Variants in ENTREP2 observed in about 807,000 individuals in gnomAD.
ENTREP2 encodes the protein endosomal transmembrane epsin interactor 2.
chr15:29,134,756 C>T, the ENTREP2 span, among the ~76,000 whole-genome samples: 1 of 152,174 alleles, frequency 6.6e-6, no homozygotes, highest in African/African-American at 2.4e-5. Context: ...TCCTCAGGGT[C>T]AGCGCTGCCT....
the ENTREP2 span, among the ~76,000 whole-genome samples, chr15:29,479,662 CACATACACACACACACAT>C: frequency 7.4e-6 from 1 of 134,504 alleles, no homozygotes; most frequent in Non-Finnish European, 1.5e-5. Context: ...GTCTCACACA[CACATACACACACACACAT>C]ACATACACAC....
chr15:29,460,414 T>C, the ENTREP2 span, among the ~76,000 whole-genome samples: 1 of 152,178 alleles, frequency 6.6e-6, no homozygotes, highest in East Asian at 1.9e-4. Flanking sequence ...GTGGATCACC[T>C]TGAGGTCAGG....
chr15:29,308,573 C>T, the ENTREP2 span, among the ~76,000 whole-genome samples: 1 of 152,180 alleles, frequency 6.6e-6, no homozygotes, highest in Non-Finnish European at 1.5e-5. Flanking sequence ...CATTTCCTCC[C>T]ACCCCTAGTT....
the ENTREP2 span, among the ~76,000 whole-genome samples, chr15:29,238,052 A>G: frequency 2.0e-5 from 3 of 152,244 alleles, no homozygotes; most frequent in South Asian, 2.1e-4. Flanking sequence ...ACATGCTGCA[A>G]TATGTATGAA....
At chr15:29,520,448 C>G in the ENTREP2 span, among the ~76,000 whole-genome samples, 1 of 152,288 alleles carries the variant, frequency 6.6e-6, no homozygotes, top group Non-Finnish European at 1.5e-5. Flanking sequence ...TTTCTACCTT[C>G]ATGCTTCCAA....
At chr15:29,269,882 G>C in the ENTREP2 span, 1 of 575,928 alleles carries the variant, frequency 1.7e-6, no homozygotes, top group African/African-American at 2.0e-5. Context: ...GCGCCTGCGC[G>C]GCTGCGGCGG....
At chr15:29,178,902 A>G in the ENTREP2 span, among the ~76,000 whole-genome samples, 1 of 152,242 alleles carries the variant, frequency 6.6e-6, no homozygotes, top group Non-Finnish European at 1.5e-5. Context: ...GTATCAGATC[A>G]TCTTGTATTT....
chr15:29,478,475 G>A, the ENTREP2 span, among the ~76,000 whole-genome samples: 4 of 152,042 alleles, frequency 2.6e-5, no homozygotes, highest in South Asian at 2.1e-4. Flanking sequence ...ATTTGTCCCC[G>A]CCCAGATTTC....
the ENTREP2 span, among the ~76,000 whole-genome samples, chr15:29,636,246 T>C: frequency 2.0e-5 from 3 of 152,330 alleles, no homozygotes; most frequent in Non-Finnish European, 2.9e-5. Flanking sequence ...ATGCCTGCTG[T>C]GGACGAGGGG....
At chr15:29,430,571 G>A in the ENTREP2 span, among the ~76,000 whole-genome samples, 54 of 152,196 alleles carry the variant, frequency 3.5e-4, no homozygotes, top group African/African-American at 1.1e-3. Context: ...ACTTGAACCC[G>A]GGAGGCAAGC....
At chr15:29,131,720 G>A in the ENTREP2 span, among the ~76,000 whole-genome samples, 1 of 86,338 alleles carries the variant, frequency 1.2e-5, no homozygotes, top group East Asian at 3.3e-4. Context: ...GTGTCTGTCC[G>A]GTCTCCATGT....
chr15:29,426,669 T>C, the ENTREP2 span, among the ~76,000 whole-genome samples: 8 of 152,246 alleles, frequency 5.3e-5, no homozygotes, highest in Non-Finnish European at 1.0e-4. Context: ...CTGCCTCCAC[T>C]GCACTTGACA....
the ENTREP2 span, chr15:29,267,955 C>T: frequency 6.6e-6 from 1 of 152,150 alleles, no homozygotes; most frequent in Admixed American, 6.6e-5. Flanking sequence ...AATGGTTACG[C>T]TATTGTTTTA....
At chr15:29,519,657 G>A in the ENTREP2 span, among the ~76,000 whole-genome samples, 1 of 152,176 alleles carries the variant, frequency 6.6e-6, no homozygotes, top group Non-Finnish European at 1.5e-5. Context: ...GTCAACAGTA[G>A]GCTATTAGTA....
At chr15:29,139,393 G>A in the ENTREP2 span, among the ~76,000 whole-genome samples, 2 of 152,248 alleles carry the variant, frequency 1.3e-5, no homozygotes, top group East Asian at 1.9e-4. Flanking sequence ...CCGCCTTGGA[G>A]GCTGTCAGTC....
the ENTREP2 span, among the ~76,000 whole-genome samples, chr15:29,572,757 G>A: frequency 2.0e-5 from 3 of 152,064 alleles, no homozygotes; most frequent in African/African-American, 7.2e-5. Flanking sequence ...TGTACTCAGA[G>A]AACTTTCGGT....
the ENTREP2 span, chr15:29,123,728 C>T: frequency 4.9e-6 from 7 of 1,442,964 alleles, no homozygotes; most frequent in East Asian, 1.7e-4. Context: ...AAAGAAAAGC[C>T]TGCTCGGGAG....
At chr15:29,668,068 G>T in the ENTREP2 span, among the ~76,000 whole-genome samples, 1 of 152,136 alleles carries the variant, frequency 6.6e-6, no homozygotes, top group Non-Finnish European at 1.5e-5. Context: ...AAAGGAAAAA[G>T]TGTCTTAAAA....
the ENTREP2 span, among the ~76,000 whole-genome samples, chr15:29,210,198 T>C: frequency 6.6e-6 from 1 of 152,092 alleles, no homozygotes; most frequent in Admixed American, 6.5e-5. Context: ...AGCCACTATT[T>C]CCCCTGCCCT....
Sources: allele counts gnomAD v4.1 joint callset (sites outside exome capture counted in the v4.1 genomes callset), GRCh38; gene constraint gnomAD v4.1.1; transcripts MANE v1.5; gene names NCBI Gene and HGNC (gene_info 2026-07-23, HGNC 2026-07-21).